The following ZNF207 variants were observed in gnomAD, a reference collection of about 807,000 sequenced individuals.
ZNF207 encodes BUB3-interacting and GLEBS motif-containing protein ZNF207.
A neutral mutation model predicts 60.2 loss-of-function variants in ZNF207; 24 were observed. That is an observed-to-expected ratio of 0.40 (90% CI 0.29 to 0.56). The LOEUF (loss-of-function observed/expected upper bound fraction) is 0.56. Ranked by LOEUF, ZNF207 falls within the 20% of genes least tolerant of loss-of-function variation. The pLI, the probability that ZNF207 is intolerant of heterozygous loss-of-function variation, is 0.49. For synonymous variants in ZNF207, 236 were observed against 194.7 expected, an observed-to-expected ratio of 1.21 and a Z score of -1.77; for missense variants, 452 against 636.6, an observed-to-expected ratio of 0.71 and a Z score of 3.12.
chr17:32,357,048 G>A (rs528753277), intron 2 of ZNF207, among the ~76,000 whole-genome samples: 2 of 152,032 alleles, frequency 1.3e-5, no homozygotes, highest in African/African-American at 4.8e-5. Context: ...CAGGCATGGC[G>A]GCACGCACCT....
chr17:32,358,351 C>A, intron 2 of ZNF207, 152 bp from the exon 3 acceptor site: 1 of 552,132 alleles, frequency 1.8e-6, no homozygotes, highest in Non-Finnish European at 3.0e-6. Context: ...CACTGACATG[C>A]TTAATGTCAC....
At chr17:32,352,048 A>G in intron 2 of ZNF207, 136 bp downstream of exon 2, 1 of 770,348 alleles carries the variant, frequency 1.3e-6, no homozygotes, top group South Asian at 2.5e-5. Flanking sequence ...GCCCACTGCA[A>G]CCTCTGCCTC....
At chr17:32,359,753 T>TA (rs1904748180) in intron 3 of ZNF207, among the ~76,000 whole-genome samples, 1 of 151,312 alleles carries the variant, frequency 6.6e-6, no homozygotes, top group African/African-American at 2.4e-5. Flanking sequence ...AAAAAAAAAA[T>TA]ACAAAAATTA....
rs940127053 is a variant in ZNF207 at position 32,378,137 on chromosome 17, A to G, written c.*8378A>G. On this transcript the variant is annotated 3_prime_UTR_variant, in exon 12 of 12. Coordinates refer to ENST00000394670, the MANE Select transcript of ZNF207 (RefSeq NM_001098507.2). ...ACACTCAGTACTTGGGCCAAAGTAG[A>G]TCTAGGTTTGCTAACCCCAGTTGTA... 4 of 152,370 alleles carry G rather than the reference A, an allele frequency of 2.6e-5. No homozygotes were observed. The highest frequency in any genetic ancestry group is 9.6e-5 in the African/African-American group (4 of 41,454). 9.4% of individuals were successfully genotyped at this position (152,370 alleles called of 1,614,324 possible). A position where few individuals can be genotyped will look rare whatever the true frequency, so the allele number is the denominator to read the frequency against.
chr17:32,350,471 G>T, intron 1 of ZNF207, 145 bp downstream of exon 1: 1 of 1,056,558 alleles, frequency 9.5e-7, no homozygotes, highest in Non-Finnish European at 1.4e-6. Context: ...GATTGGACTT[G>T]GGAAGGCTTC....
At position 32,373,143 on chromosome 17, in the gene ZNF207, A is replaced by T. The variant is rs975822851; in HGVS notation, c.*3384A>T. 3 of 366,788 alleles carry T rather than the reference A, an allele frequency of 8.2e-6. No homozygotes were observed. Among genetic ancestry groups the T allele is most frequent in the African/African-American group, 6.2e-5 (3 of 48,692 alleles). The allele number at this position is 366,788 out of a possible 1,614,324, so 22.7% of individuals were successfully genotyped here. A position where few individuals can be genotyped will look rare whatever the true frequency, so the allele number is the denominator to read the frequency against. ...CATTAGGTATGAATAAAATATTCCT[A>T]CTGTACTCCTATTCCACTAAGTTAC... is the stretch of plus-strand genomic sequence containing the variant. On this transcript the variant is annotated 3_prime_UTR_variant, in exon 12 of 12. Transcript: ENST00000394670.
intron 6 of ZNF207, among the ~76,000 whole-genome samples, chr17:32,362,164 A>G (rs1318915302): frequency 7.4e-5 from 11 of 149,164 alleles, no homozygotes; most frequent in Non-Finnish European, 1.6e-4. Flanking sequence ...GTGTATATGT[A>G]TGTATTTGAC....
At chr17:32,354,613 A>G (rs1334989132) in intron 2 of ZNF207, among the ~76,000 whole-genome samples, 1 of 150,422 alleles carries the variant, frequency 6.6e-6, no homozygotes, top group Non-Finnish European at 1.5e-5. Context: ...GCTGGCCTCT[A>G]TTAGACTTTT....
intron 2 of ZNF207, among the ~76,000 whole-genome samples, chr17:32,356,165 T>G (rs1264222572): frequency 6.6e-6 from 1 of 152,218 alleles, no homozygotes; most frequent in Non-Finnish European, 1.5e-5. Context: ...CCCTGCAGTT[T>G]CTCATCAGTG....
rs1476515601 is a variant in ZNF207, at chr17:32,379,186, C to T, written c.*9427C>T. 6.6e-6 allele frequency: 1 copy of T among 151,032 alleles called. No homozygotes were observed. Among genetic ancestry groups the T allele is most frequent in the African/African-American group, 2.4e-5 (1 of 41,090 alleles). The allele number at this position is 151,032 out of a possible 1,614,324, so 9.4% of individuals were successfully genotyped here. A position where few individuals can be genotyped will look rare whatever the true frequency, so the allele number is the denominator to read the frequency against. On this transcript the variant is annotated 3_prime_UTR_variant, in exon 12 of 12. Coordinates refer to ENST00000394670, the MANE Select transcript of ZNF207 (RefSeq NM_001098507.2). ...ACAGTGGAAATGGTTTTCCTTAAAA[C>T]CATCTCTTTAAAGCTGCCTTTCTGG...
intron 7 of ZNF207, among the ~76,000 whole-genome samples, chr17:32,364,413 A>AGT (rs1241676990): frequency 6.8e-6 from 1 of 147,338 alleles, no homozygotes; most frequent in Non-Finnish European, 1.5e-5. Flanking sequence ...GCTGGAGAGC[A>AGT]GTGGTGTGAT....
rs1905757095 is a variant in ZNF207 at position 32,378,452 on chromosome 17, C to G, written c.*8693C>G. On this transcript the variant is annotated 3_prime_UTR_variant, in exon 12 of 12. Coordinates refer to ENST00000394670, the MANE Select transcript of ZNF207 (RefSeq NM_001098507.2). ...TAAGCTAGAATATGTTTTTATAATG[C>G]TTTTTTGTTCTTTTAGCAACACTTG... The G allele has an allele frequency of 6.6e-6, 1 of 151,922 alleles. No individual in the cohort carries two copies. The highest frequency in any genetic ancestry group is 2.1e-4 in the South Asian group (1 of 4,830). 9.4% of individuals were successfully genotyped at this position (151,922 alleles called of 1,614,324 possible).
In ZNF207 at chr17:32,372,474, TAGC is replaced by T. The variant is rs1266912262; in HGVS notation, c.*2717_*2719del. On this transcript the variant is annotated 3_prime_UTR_variant, in exon 12 of 12. Transcript: ENST00000394670. ...TTATGCAAAGAAGGTTGATACTTTGTAGCAAGGTTTTTTGCTCTCTGTATAGGT... is the reference window on the plus strand; with the variant it reads ...TTATGCAAAGAAGGTTGATACTTTGTAAGGTTTTTTGCTCTCTGTATAGGT... 1 of 152,230 alleles carries T rather than the reference TAGC, an allele frequency of 6.6e-6. No homozygotes were observed. Among genetic ancestry groups the T allele is most frequent in the Non-Finnish European group, 1.5e-5 (1 of 68,042 alleles). 9.4% of individuals were successfully genotyped at this position (152,230 alleles called of 1,614,324 possible). A position where few individuals can be genotyped will look rare whatever the true frequency, so the allele number is the denominator to read the frequency against.
intron 2 of ZNF207, among the ~76,000 whole-genome samples, chr17:32,355,697 C>T (rs938764352): frequency 1.3e-5 from 2 of 152,084 alleles, no homozygotes; most frequent in Admixed American, 6.6e-5. Flanking sequence ...TAGGCCACTT[C>T]CAACATTTGA....
intron 9 of ZNF207, among the ~76,000 whole-genome samples, chr17:32,367,421 CATTAAAA>C (rs1905255164): frequency 1.3e-5 from 2 of 150,130 alleles, no homozygotes; most frequent in Non-Finnish European, 3.0e-5. Flanking sequence ...ATTAATAGAA[CATTAAAA>C]ATAGAACACA....
chr17:32,351,368 T>C, intron 1 of ZNF207: 1 of 958,560 alleles, frequency 1.0e-6, no homozygotes, highest in Non-Finnish European at 1.3e-6. Context: ...ATTGCTAAAT[T>C]CCTAATCCAG....
rs1276612461 is a variant in ZNF207 at position 32,367,918 on chromosome 17, A to G, written c.1068A>G (p.Ala356=). ...ASTTSTTNST[A]AKPAASITSK... ...CAACTAGTACAACAAATAGTACTGC[A>G]GCTAAACCAGCGGCTTCAATAACAA... The change falls in exon 10 of 12, where the codon GCA becomes GCG. Residue 356 remains alanine (A), a synonymous_variant. Transcript: ENST00000394670. 4 of 1,614,088 alleles carry G rather than the reference A, an allele frequency of 2.5e-6. No individual in the cohort carries two copies. The highest frequency in any genetic ancestry group is 2.7e-5 in the African/African-American group (2 of 74,928).
rs1027876083 is a variant in ZNF207 at position 32,372,772 on chromosome 17, A to T, written c.*3013A>T. The T allele has an allele frequency of 6.6e-6, 1 of 152,220 alleles. No individual in the cohort carries two copies. Among genetic ancestry groups the T allele is most frequent in the African/African-American group, 2.4e-5 (1 of 41,454 alleles). 9.4% of individuals were successfully genotyped at this position (152,220 alleles called of 1,614,324 possible). On this transcript the variant is annotated 3_prime_UTR_variant, in exon 12 of 12. Transcript: ENST00000394670. ...TATGAGTGGAGCAAATTATATTCAT[A>T]TAATTAACTCTGACTCAACCTTCCT...
At chr17:32,368,718 G>A (rs1384063175) in intron 10 of ZNF207, 1 of 151,044 alleles carries the variant, frequency 6.6e-6, no homozygotes, top group East Asian at 1.9e-4. Flanking sequence ...AAAATGGAAT[G>A]TTGGCCGGGC....
Sources: allele counts gnomAD v4.1 joint callset (sites outside exome capture counted in the v4.1 genomes callset), GRCh38; gene constraint gnomAD v4.1.1; transcripts MANE v1.5; gene names NCBI Gene and HGNC (gene_info 2026-07-23, HGNC 2026-07-21).